The following SFSWAP variants were observed in gnomAD, a reference collection of about 807,000 sequenced individuals.
SFSWAP encodes splicing factor SWAP.
Under a neutral mutation model 100.7 loss-of-function variants are expected in SFSWAP, and 17 were observed. That is an observed-to-expected ratio of 0.17 (90% CI 0.12 to 0.25). The LOEUF (loss-of-function observed/expected upper bound fraction) is 0.25. SFSWAP is among the 10% of genes least tolerant of loss of function. The pLI, the probability that SFSWAP is intolerant of heterozygous loss-of-function variation, is 1.00. For synonymous variants in SFSWAP, 504 were observed against 510.1 expected, an observed-to-expected ratio of 0.99 and a Z score of 0.16; for missense variants, 1,005 against 1,262.6, an observed-to-expected ratio of 0.80 and a Z score of 3.09.
At chr12:131,741,676 T>C (rs1170593004) in intron 7 of SFSWAP, among the ~76,000 whole-genome samples, 1 of 151,692 alleles carries the variant, frequency 6.6e-6, no homozygotes, top group Middle Eastern at 3.4e-3. Flanking sequence ...AACACCATTC[T>C]GCTGATGGCT....
chr12:131,745,833 T>G (rs1881054336), intron 7 of SFSWAP, among the ~76,000 whole-genome samples: 1 of 152,000 alleles, frequency 6.6e-6, no homozygotes, highest in Non-Finnish European at 1.5e-5. Flanking sequence ...TGAAAACAAT[T>G]TATTCTGACA....
intron 10 of SFSWAP, 121 bp from the exon 11 acceptor site, chr12:131,756,352 T>G (rs369608587): frequency 1.3e-6 from 1 of 798,816 alleles, no homozygotes. Flanking sequence ...TTCCCAGTGC[T>G]GCTTGGGCAG....
intron 3 of SFSWAP, among the ~76,000 whole-genome samples, chr12:131,719,251 C>T (rs1203194766): frequency 6.6e-6 from 1 of 151,970 alleles, no homozygotes; most frequent in South Asian, 2.1e-4. Context: ...CTCCCCCCAC[C>T]ACCCCACCTC....
chr12:131,744,858 A>G lies in SFSWAP; in HGVS notation c.1082-8265A>G, dbSNP rs142852234. Among the ~76,000 whole-genome samples the G allele has an allele frequency of 1.2e-3, 188 of 152,344 alleles. 1 individual carries two copies. The highest frequency in any genetic ancestry group is 4.1e-3 in the African/African-American group (171 of 41,582). On this transcript the variant is annotated intron_variant, in intron 7 of 17. Coordinates refer to ENST00000261674, the MANE Select transcript of SFSWAP (RefSeq NM_004592.4). ...GCAGAAGGCAAGGAGGAGCAAAGTC[A>G]TGTCTTACATGGATGGCAGCAGGCA...
At chr12:131,741,890 T>C (rs1880675647) in intron 7 of SFSWAP, among the ~76,000 whole-genome samples, 1 of 152,180 alleles carries the variant, frequency 6.6e-6, no homozygotes, top group Admixed American at 6.5e-5. Flanking sequence ...TTCCCTCCGC[T>C]GCTTTTCCTG....
intron 12 of SFSWAP, 123 bp from the exon 13 acceptor site, chr12:131,765,995 A>G (rs907312979): frequency 1.5e-4 from 135 of 903,742 alleles, no homozygotes; most frequent in Non-Finnish European, 3.7e-5. Context: ...TGTCCAATGT[A>G]TGTACCTATT....
At chr12:131,775,819 G>T (rs1883974381) in intron 13 of SFSWAP, among the ~76,000 whole-genome samples, 1 of 151,982 alleles carries the variant, frequency 6.6e-6, no homozygotes, top group Admixed American at 6.6e-5. Context: ...GCTGGGCACG[G>T]TGGTTCACGC....
rs1877711015 is a variant in SFSWAP at position 131,714,640 on chromosome 12, ATGT to A, written c.389-181_389-179del. 1.6e-6 allele frequency: 1 copy of A among 609,946 alleles called. No individual in the cohort carries two copies. Among genetic ancestry groups the A allele is most frequent in the Non-Finnish European group, 2.8e-6 (1 of 354,262 alleles). 37.8% of individuals were successfully genotyped at this position (609,946 alleles called of 1,614,324 possible). ...TGTATTCAGCTGTCTGTGGGTAAAC[ATGT>A]ACTGACAAAAGTACATAATGATAGA... On this transcript the variant is annotated intron_variant, in intron 2 of 17. Transcript: ENST00000261674. The surrounding 1 kb of genome is among the most constrained non-coding windows in gnomAD (Gnocchi z 6.0).
intron 7 of SFSWAP, among the ~76,000 whole-genome samples, chr12:131,735,536 G>A (rs571234091): frequency 3.9e-5 from 6 of 152,324 alleles, no homozygotes; most frequent in Non-Finnish European, 8.8e-5. Flanking sequence ...TACTGCCATC[G>A]AAGGTCTCGA....
intron 14 of SFSWAP, among the ~76,000 whole-genome samples, chr12:131,783,156 G>A (rs1011161450): frequency 1.3e-5 from 2 of 149,922 alleles, no homozygotes; most frequent in African/African-American, 2.5e-5. Context: ...TCTCCAGCCT[G>A]GGCAATAGAG....
intron 11 of SFSWAP, among the ~76,000 whole-genome samples, chr12:131,762,687 G>A (rs777356015): frequency 2.0e-5 from 3 of 152,048 alleles, no homozygotes; most frequent in South Asian, 2.1e-4. Context: ...CTCTGCCTCT[G>A]CCTCCCGGGT....
intron 15 of SFSWAP, chr12:131,796,127 A>G (rs749983841): frequency 1.3e-5 from 2 of 152,072 alleles, no homozygotes; most frequent in Admixed American, 6.5e-5. Flanking sequence ...TCCAAGAAAC[A>G]CTGTACTCAG....
At chr12:131,748,440 G>A (rs1566024757) in intron 7 of SFSWAP, among the ~76,000 whole-genome samples, 1 of 152,132 alleles carries the variant, frequency 6.6e-6, no homozygotes, top group African/African-American at 2.4e-5. Context: ...GATGACAGGT[G>A]TAAGCCACCC....
intron 7 of SFSWAP, among the ~76,000 whole-genome samples, chr12:131,735,868 G>A (rs1879967902): frequency 6.6e-6 from 1 of 152,222 alleles, no homozygotes. Flanking sequence ...CATTTTCACA[G>A]AAATGATAAT....
chr12:131,762,900 A>G lies in SFSWAP; in HGVS notation c.1721-1556A>G, dbSNP rs186854736. ...AGGCGTAAGCCACTGCACCCGGCCA[A>G]TTTTTTTTTTCTTATGGAAAATCTC... On this transcript the variant is annotated intron_variant, in intron 11 of 17. Coordinates refer to ENST00000261674, the MANE Select transcript of SFSWAP (RefSeq NM_004592.4). 4.2e-3 allele frequency among the ~76,000 whole-genome samples: 630 copies of G among 150,492 alleles called. 5 individuals carry two copies. The highest frequency in any genetic ancestry group is 5.6e-3 in the Non-Finnish European group (378 of 67,536).
chr12:131,737,069 G>A (rs1880099362), intron 7 of SFSWAP, among the ~76,000 whole-genome samples: 3 of 152,152 alleles, frequency 2.0e-5, no homozygotes, highest in Non-Finnish European at 4.4e-5. Flanking sequence ...GCAAAAGACT[G>A]AGGCGACGCA....
At chr12:131,775,388 A>G (rs569932000) in intron 13 of SFSWAP, among the ~76,000 whole-genome samples, 1 of 152,280 alleles carries the variant, frequency 6.6e-6, no homozygotes, top group Non-Finnish European at 1.5e-5. Flanking sequence ...GCCCGTGTTG[A>G]GGTTCCCAAT....
In SFSWAP at chr12:131,797,511, G is replaced by A. The variant is rs142927269; in HGVS notation, c.2717+151G>A. 461 of 693,030 alleles carry A rather than the reference G, an allele frequency of 6.7e-4. 1 individual carries two copies. Among genetic ancestry groups the A allele is most frequent in the African/African-American group, 3.8e-3 (210 of 55,628 alleles). 42.9% of individuals were successfully genotyped at this position (693,030 alleles called of 1,614,324 possible). A position where few individuals can be genotyped will look rare whatever the true frequency, so the allele number is the denominator to read the frequency against. ...GCCAAACCGCACCCCCTCTAGCAAG[G>A]AAGTCGCCCTAGATGTGGCTTCTCA... On this transcript the variant is annotated intron_variant, in intron 16 of 17. Coordinates refer to ENST00000261674, the MANE Select transcript of SFSWAP (RefSeq NM_004592.4).
Position 131,714,858 on chromosome 12 carries a change from A to G in SFSWAP, c.425A>G (p.Glu142Gly). The G allele has an allele frequency of 6.2e-7, 1 of 1,614,154 alleles. No homozygotes were observed. The highest frequency in any genetic ancestry group is 1.3e-5 in the African/African-American group (1 of 75,072). Residue 142 changes from glutamate to glycine, a missense_variant, in exon 3 of 18, where the codon GAG (glutamate) becomes GGG (glycine). This residue lies in a region of SFSWAP where 237 missense variants were observed against 337.0 expected (regional missense o/e 0.70). Coordinates refer to ENST00000261674, the MANE Select transcript of SFSWAP (RefSeq NM_004592.4). This position sits in a 1 kb window ranked among gnomAD's most constrained non-coding sequence, Gnocchi z 6.0. ...AAGCGATTGAGTGAAGCACTAGCAG[A>G]GGATGGGAGCTACAATGCCGTGGGG... Reference protein sequence around the residue: ...EYKRLSEALAEDGSYNAVGFT... With the variant: ...EYKRLSEALAGDGSYNAVGFT...
Sources: gnomAD v4.1 joint callset for allele counts (sites outside exome capture counted in the v4.1 genomes callset) on GRCh38, gnomAD v4.1.1 for gene constraint, gnomAD v4.1.1 regional missense constraint, Gnocchi (gnomAD v3.1) non-coding constraint, MANE v1.5 for transcripts, NCBI Gene and HGNC (gene_info 2026-07-23, HGNC 2026-07-21) for gene names.